LRRFIP2: variants seen among roughly 807,000 people sequenced by gnomAD.
LRRFIP2 encodes LRR binding FLII interacting protein 2.
In LRRFIP2, 109 loss-of-function variants were observed where a neutral mutation model predicts 125.9. That is an observed-to-expected ratio of 0.87 (90% CI 0.74 to 1.01). The LOEUF is 1.01. LRRFIP2 is among the 50% of genes least tolerant of loss of function. LRRFIP2 has a pLI of 0.00. For synonymous variants in LRRFIP2, 291 were observed against 293.1 expected, an observed-to-expected ratio of 0.99 and a Z score of 0.07; for missense variants, 850 against 862.3, an observed-to-expected ratio of 0.99 and a Z score of 0.18.
At chr3:37,167,668 GAAAGAAAGAAA>G (rs2096527833) in intron 1 of LRRFIP2, among the ~76,000 whole-genome samples, 1 of 141,482 alleles carries the variant, frequency 7.1e-6, no homozygotes, top group Non-Finnish European at 1.5e-5. Flanking sequence ...AAAAAAAAAA[GAAAGAAAGAAA>G]AAAGAAAAAA....
chr3:37,155,679 T>C (rs1030156068), intron 1 of LRRFIP2, among the ~76,000 whole-genome samples: 2 of 152,066 alleles, frequency 1.3e-5, no homozygotes, highest in Admixed American at 6.6e-5. Flanking sequence ...CTATGTAAAT[T>C]TTACCTCAAA....
rs77802633 is a variant in LRRFIP2 at position 37,109,960 on chromosome 3, T to C, written c.514-257A>G. On this transcript the variant is annotated intron_variant, in intron 9 of 27. Coordinates refer to ENST00000336686, the MANE Select transcript of LRRFIP2 (RefSeq NM_006309.4). ...GAATTATAAATATGTTTATGTCCCA[T>C]TGGTCTTCGAGCATTATTGTTAGGA... 1.5e-3 allele frequency among the ~76,000 whole-genome samples: 226 copies of C among 152,314 alleles called. 2 individuals carry two copies. The highest frequency in any genetic ancestry group is 5.2e-3 in the African/African-American group (218 of 41,552).
chr3:37,174,622 G>A (rs948256302), upstream of LRRFIP2: 1 of 151,944 alleles, frequency 6.6e-6, no homozygotes, highest in Non-Finnish European at 1.5e-5. Flanking sequence ...AAAAAAAAAG[G>A]GGGGGAAGGA....
At chr3:37,117,117 CT>C (rs2094825539) in intron 6 of LRRFIP2, among the ~76,000 whole-genome samples, 1 of 150,142 alleles carries the variant, frequency 6.7e-6, no homozygotes, top group South Asian at 2.1e-4. Context: ...AAATCTAACC[CT>C]TTTGTTTAAA....
chr3:37,144,392 G>A (rs1168448357), intron 2 of LRRFIP2, among the ~76,000 whole-genome samples: 2 of 152,134 alleles, frequency 1.3e-5, no homozygotes, highest in African/African-American at 4.8e-5. Context: ...TGTTAATGCT[G>A]GGTGTTGGAC....
At chr3:37,069,017 T>G (rs181631604) in intron 21 of LRRFIP2, among the ~76,000 whole-genome samples, 2 of 152,270 alleles carry the variant, frequency 1.3e-5, no homozygotes, top group East Asian at 3.9e-4. Context: ...TAGAGACAAG[T>G]AGTTACTGAC....
chr3:37,080,327 C>T (rs893115444), intron 19 of LRRFIP2, among the ~76,000 whole-genome samples: 2 of 151,948 alleles, frequency 1.3e-5, no homozygotes, highest in African/African-American at 2.4e-5. Context: ...ACCCGGGAGG[C>T]AGAGGTTGCA....
rs776601961 is a variant in LRRFIP2 at position 37,072,789 on chromosome 3, C to T, written c.1464+1G>A. 3.7e-6 allele frequency: 6 copies of T among 1,601,088 alleles called. No homozygotes were observed. The highest frequency in any genetic ancestry group is 5.1e-6 in the Non-Finnish European group (6 of 1,169,130). On this transcript the variant is annotated splice_donor_variant, in intron 21 of 27. Coordinates refer to ENST00000336686, the MANE Select transcript of LRRFIP2 (RefSeq NM_006309.4). LOFTEE classifies it high-confidence loss of function. ...AACCAAAGCCCAATTTCATTTCATA[C>T]CCCAATTTTTTTATCTTTCCAAAGA...
chr3:37,134,705 C>G (rs960089893), intron 2 of LRRFIP2: 1 of 757,472 alleles, frequency 1.3e-6, no homozygotes, highest in Non-Finnish European at 2.4e-6. Context: ...TGGCCCATGA[C>G]CCTCCAGCAC....
chr3:37,072,667 A>AT (rs2091433567), intron 21 of LRRFIP2, 123 bp downstream of exon 21: 1 of 539,184 alleles, frequency 1.9e-6, no homozygotes. Flanking sequence ...CTACTGACTC[A>AT]TTTTTCATAC....
intron 23 of LRRFIP2, chr3:37,064,676 G>C (rs890358106): frequency 2.0e-5 from 3 of 152,042 alleles, no homozygotes; most frequent in Admixed American, 2.0e-4. Context: ...GCCTGTGGAG[G>C]TTTGACTCTT....
chr3:37,113,725 C>G (rs547117182), intron 7 of LRRFIP2, among the ~76,000 whole-genome samples: 1 of 152,146 alleles, frequency 6.6e-6, no homozygotes, highest in Non-Finnish European at 1.5e-5. Context: ...ATTAAACTGT[C>G]CCAGACAGTA....
intron 17 of LRRFIP2, among the ~76,000 whole-genome samples, chr3:37,092,835 C>A (rs1294953477): frequency 6.6e-6 from 1 of 151,934 alleles, no homozygotes; most frequent in Non-Finnish European, 1.5e-5. Flanking sequence ...TCCAACCCTA[C>A]CGACAATTTA....
intron 1 of LRRFIP2, among the ~76,000 whole-genome samples, chr3:37,162,176 AAG>A (rs1413831227): frequency 2.0e-5 from 3 of 149,540 alleles, no homozygotes; most frequent in Non-Finnish European, 4.4e-5. Context: ...AAAAAAAAAA[AAG>A]AAGAGAGAGA....
At chr3:37,055,685 C>T (rs2086637259) in intron 25 of LRRFIP2, among the ~76,000 whole-genome samples, 1 of 152,152 alleles carries the variant, frequency 6.6e-6, no homozygotes, top group East Asian at 1.9e-4. Flanking sequence ...CTACAGTATC[C>T]CTTGCAGCAA....
chr3:37,064,986 T>C (rs1312378275), intron 23 of LRRFIP2: 3 of 152,564 alleles, frequency 2.0e-5, no homozygotes, highest in Non-Finnish European at 4.4e-5. Flanking sequence ...ATTTCTGGAA[T>C]GCACATTAGA....
chr3:37,127,457 G>A (rs975794394), intron 4 of LRRFIP2, among the ~76,000 whole-genome samples, 173 bp downstream of exon 4: 1 of 152,126 alleles, frequency 6.6e-6, no homozygotes, highest in African/African-American at 2.4e-5. Flanking sequence ...AACATAAAAT[G>A]GCAGGACTCC....
chr3:37,152,091 A>C (rs945957693), intron 1 of LRRFIP2, among the ~76,000 whole-genome samples: 4 of 152,234 alleles, frequency 2.6e-5, no homozygotes, highest in Non-Finnish European at 4.4e-5. Context: ...ACAAGAAGAT[A>C]AAGAAAATGT....
intron 1 of LRRFIP2, among the ~76,000 whole-genome samples, chr3:37,162,699 C>T (rs554917869): frequency 2.0e-5 from 3 of 152,102 alleles, no homozygotes; most frequent in Non-Finnish European, 4.4e-5. Flanking sequence ...CAAAAGGGAA[C>T]CTCCAGAAGA....
Sources: gnomAD v4.1 joint callset for allele counts (sites outside exome capture counted in the v4.1 genomes callset) on GRCh38, gnomAD v4.1.1 for gene constraint, MANE v1.5 for transcripts, NCBI Gene and HGNC (gene_info 2026-07-23, HGNC 2026-07-21) for gene names.